The following MARCHF1 variants were observed in gnomAD, a reference collection of about 807,000 sequenced individuals.
MARCHF1 encodes E3 ubiquitin-protein ligase MARCHF1.
MARCHF1 carries 40 observed loss-of-function variants against 54.2 expected under a neutral mutation model. The observed-to-expected ratio is 0.74, with a 90% CI of 0.57 to 0.96. The LOEUF is 0.96. Ranked by LOEUF, MARCHF1 falls within the 40% of genes least tolerant of loss-of-function variation. The pLI, the probability that MARCHF1 is intolerant of heterozygous loss-of-function variation, is 0.00. For synonymous variants in MARCHF1, 236 were observed against 236.3 expected, an observed-to-expected ratio of 1.00 and a Z score of 0.01; for missense variants, 586 against 656.5, an observed-to-expected ratio of 0.89 and a Z score of 1.17.
At chr4:164,047,149 A>G (rs1028545697) in intron 2 of MARCHF1, among the ~76,000 whole-genome samples, 1 of 152,214 alleles carries the variant, frequency 6.6e-6, no homozygotes, top group Non-Finnish European at 1.5e-5. Context: ...TCTGGTCCTA[A>G]TCCCAGTGAC....
chr4:163,860,486 T>C (rs1465131249), intron 3 of MARCHF1, among the ~76,000 whole-genome samples: 2 of 152,184 alleles, frequency 1.3e-5, no homozygotes, highest in African/African-American at 2.4e-5. Flanking sequence ...AGAGGTTTAC[T>C]AACCCATCAG....
intron 2 of MARCHF1, among the ~76,000 whole-genome samples, chr4:164,011,742 C>T (rs540673307): frequency 9.9e-5 from 15 of 152,170 alleles, no homozygotes; most frequent in Non-Finnish European, 1.9e-4. Flanking sequence ...AGAATAGCAC[C>T]TTCAATAGGA....
intron 2 of MARCHF1, among the ~76,000 whole-genome samples, chr4:164,109,942 T>C (rs1178502034): frequency 1.7e-5 from 1 of 58,250 alleles, no homozygotes; most frequent in Admixed American, 1.6e-4. Context: ...AAAAAGAAAA[T>C]GTAAATTCAC....
intron 7 of MARCHF1, among the ~76,000 whole-genome samples, chr4:163,603,099 G>T (rs1741025121): frequency 6.6e-6 from 1 of 152,086 alleles, no homozygotes; most frequent in Non-Finnish European, 1.5e-5. Context: ...TAGACAATGG[G>T]TGACTCTATA....
At chr4:163,606,634 G>A (rs1388717062) in intron 7 of MARCHF1, among the ~76,000 whole-genome samples, 1 of 151,886 alleles carries the variant, frequency 6.6e-6, no homozygotes, top group Non-Finnish European at 1.5e-5. Context: ...ATTTAAGAGG[G>A]GAAGAACTAC....
chr4:163,962,745 T>C (rs756281735), intron 3 of MARCHF1, among the ~76,000 whole-genome samples: 10 of 151,962 alleles, frequency 6.6e-5, no homozygotes, highest in Non-Finnish European at 1.0e-4. Context: ...AATAATTTTA[T>C]AATGAATTTA....
At chr4:164,108,500 T>A (rs1336718483) in intron 2 of MARCHF1, among the ~76,000 whole-genome samples, 1 of 152,080 alleles carries the variant, frequency 6.6e-6, no homozygotes, top group African/African-American at 2.4e-5. Flanking sequence ...CAAAGACTTA[T>A]AACATAGTCT....
chr4:163,896,920 T>A (rs1401928196), intron 3 of MARCHF1, among the ~76,000 whole-genome samples: 1 of 152,172 alleles, frequency 6.6e-6, no homozygotes, highest in Non-Finnish European at 1.5e-5. Context: ...AACCACAGTA[T>A]CTATATTAAT....
chr4:164,027,037 A>T (rs1434560957), intron 2 of MARCHF1, among the ~76,000 whole-genome samples: 1 of 152,064 alleles, frequency 6.6e-6, no homozygotes, highest in Admixed American at 6.6e-5. Context: ...GAAGTGAAAG[A>T]TCTCTATAAG....
At chr4:164,135,830 T>C (rs1273587121) in intron 1 of MARCHF1, among the ~76,000 whole-genome samples, 1 of 152,226 alleles carries the variant, frequency 6.6e-6, no homozygotes, top group African/African-American at 2.4e-5. Flanking sequence ...TTATTGGAAT[T>C]CCTTGTGAAA....
intron 4 of MARCHF1, among the ~76,000 whole-genome samples, chr4:163,739,743 T>G (rs1023528440): frequency 3.3e-5 from 5 of 152,242 alleles, no homozygotes; most frequent in Non-Finnish European, 7.3e-5. Flanking sequence ...TTTTATGTGC[T>G]AATTTTCAGA....
At chr4:164,187,114 CTT>C (rs984540234) in intron 1 of MARCHF1, among the ~76,000 whole-genome samples, 1 of 151,698 alleles carries the variant, frequency 6.6e-6, no homozygotes, top group African/African-American at 2.4e-5. Flanking sequence ...ACCGGGTGCA[CTT>C]GTGTGTTAGG....
intron 1 of MARCHF1, among the ~76,000 whole-genome samples, chr4:164,366,342 G>T (rs1038259771): frequency 6.6e-6 from 1 of 152,002 alleles, no homozygotes; most frequent in Non-Finnish European, 1.5e-5. Context: ...CACTCCAGGA[G>T]AAGGGCCAGC....
At chr4:163,745,805 G>T (rs913966358) in intron 4 of MARCHF1, among the ~76,000 whole-genome samples, 1 of 151,938 alleles carries the variant, frequency 6.6e-6, no homozygotes, top group Admixed American at 6.6e-5. Context: ...TTGTTTTGAA[G>T]CTGGTCAGTT....
rs570618482 is a variant in MARCHF1, at chr4:164,101,568, A to T, written c.-248+10020T>A. On this transcript the variant is annotated intron_variant, in intron 2 of 9. Coordinates refer to ENST00000514618, the MANE Select transcript of MARCHF1 (RefSeq NM_001394959.1). ...GCTGAGGGTCCTCTCTGTTAGAAGG[A>T]AAACTAACAAACAGAAAGGACATCC... 2.3e-5 allele frequency among the ~76,000 whole-genome samples: 3 copies of T among 130,828 alleles called. No homozygotes were observed. In the South Asian group the frequency reaches 8.4e-4, roughly 37 times the overall value. 85.8% of individuals were successfully genotyped at this position (130,828 alleles called of 152,430 possible).
At chr4:163,996,014 T>A (rs1361794031) in intron 2 of MARCHF1, among the ~76,000 whole-genome samples, 1 of 152,100 alleles carries the variant, frequency 6.6e-6, no homozygotes, top group Admixed American at 6.6e-5. Context: ...AATATAATTC[T>A]GAATTACATG....
At chr4:164,189,177 CAAGTTGTACAA>C (rs1731057710) in intron 1 of MARCHF1, 1 of 562,190 alleles carries the variant, frequency 1.8e-6, no homozygotes, top group South Asian at 1.9e-5. Flanking sequence ...AACATTTCAT[CAAGTTGTACAA>C]AAAGAAGACT....
chr4:163,798,799 A>G, intron 4 of MARCHF1, among the ~76,000 whole-genome samples: 1 of 152,150 alleles, frequency 6.6e-6, no homozygotes, highest in East Asian at 1.9e-4. Flanking sequence ...AAGGGAATGG[A>G]AAAAAGGCTA....
intron 1 of MARCHF1, among the ~76,000 whole-genome samples, chr4:164,317,809 A>G (rs1282915096): frequency 6.6e-6 from 1 of 152,178 alleles, no homozygotes; most frequent in African/African-American, 2.4e-5. Context: ...CTGTGGATCA[A>G]TGGAGGAGTA....
Sources: gnomAD v4.1 joint callset for allele counts (sites outside exome capture counted in the v4.1 genomes callset) on GRCh38, gnomAD v4.1.1 for gene constraint, MANE v1.5 for transcripts, NCBI Gene and HGNC (gene_info 2026-07-23, HGNC 2026-07-21) for gene names.